NTM: variants seen among roughly 807,000 people sequenced by gnomAD.
NTM encodes neurotrimin, also known as IgLON family member 2.
In NTM, 13 loss-of-function variants were observed where a neutral mutation model predicts 42.1. The observed-to-expected ratio is 0.31, with a 90% CI of 0.20 to 0.49. The LOEUF is 0.49. NTM is among the 20% of genes least tolerant of loss of function. The probability of loss-of-function intolerance (pLI) is 0.99; values close to 1 mark genes in which losing one functional copy is unlikely to be tolerated. For missense variants in NTM, 373 were observed against 452.8 expected (o/e 0.82, Z 1.60); for synonymous variants, 187 against 179.2 (o/e 1.04, Z -0.35).
intron 1 of NTM, among the ~76,000 whole-genome samples, chr11:131,819,891 G>A (rs1011903832): frequency 1.1e-4 from 17 of 152,180 alleles, no homozygotes; most frequent in African/African-American, 2.7e-4. Context: ...TGCTGTGGAC[G>A]TGTGGGCCGC....
chr11:131,975,462 G>A (rs2064184356), intron 2 of NTM, among the ~76,000 whole-genome samples: 1 of 152,126 alleles, frequency 6.6e-6, no homozygotes, highest in Non-Finnish European at 1.5e-5. Flanking sequence ...ACAGGCGTGA[G>A]CCACTGCGCC....
intron 3 of NTM, among the ~76,000 whole-genome samples, chr11:132,192,926 A>G (rs1454208841): frequency 6.6e-6 from 1 of 152,242 alleles, no homozygotes; most frequent in Non-Finnish European, 1.5e-5. Context: ...TTAATTATAA[A>G]GGGCTCAATT....
In NTM at chr11:131,915,747, G is replaced by A. The variant is rs150097287; in HGVS notation, c.167+4099G>A. 4.3e-3 allele frequency among the ~76,000 whole-genome samples: 656 copies of A among 152,188 alleles called. 2 individuals carry two copies. The highest frequency in any genetic ancestry group is 0.015 in the African/African-American group (613 of 41,534). ...AGGCAAAAGGCACATTTTACACGGCGGCAGATGAGACAATGAAAGCCAAGA... is the reference window on the plus strand; with the variant it reads ...AGGCAAAAGGCACATTTTACACGGCAGCAGATGAGACAATGAAAGCCAAGA... On this transcript the variant is annotated intron_variant, in intron 2 of 8. Transcript: ENST00000683400.
At chr11:131,686,885 C>G (rs2073952033) in intron 1 of NTM, among the ~76,000 whole-genome samples, 1 of 152,210 alleles carries the variant, frequency 6.6e-6, no homozygotes, top group South Asian at 2.1e-4. Context: ...AATGTTCCAT[C>G]TGCTGGAAAT....
chr11:131,394,580 C>A (rs1944350434), intron 1 of NTM, among the ~76,000 whole-genome samples: 1 of 152,124 alleles, frequency 6.6e-6, no homozygotes, highest in Admixed American at 6.5e-5. Context: ...ACCTTCCAGC[C>A]CCAGAATGCA....
At chr11:131,908,463 A>C (rs1171841586) in intron 1 of NTM, among the ~76,000 whole-genome samples, 1 of 152,256 alleles carries the variant, frequency 6.6e-6, no homozygotes, top group African/African-American at 2.4e-5. Context: ...AGCCAGGATT[A>C]GCATTTATCA....
chr11:131,973,988 C>A lies in NTM; in HGVS notation c.167+62340C>A, dbSNP rs114207032. 5.0e-3 allele frequency among the ~76,000 whole-genome samples: 756 copies of A among 152,230 alleles called. 7 individuals are homozygous for A. Among genetic ancestry groups the A allele is most frequent in the African/African-American group, 0.017 (719 of 41,550 alleles). On this transcript the variant is annotated intron_variant, in intron 2 of 8. Coordinates refer to ENST00000683400, the MANE Select transcript of NTM (RefSeq NM_001352005.2). Reference sequence around the variant, plus strand: ...CTACTCCAGCTGGAGATGGTGAGGACGAAGACCTTTCAGATGATTCACTTC... The same window carrying A: ...CTACTCCAGCTGGAGATGGTGAGGAAGAAGACCTTTCAGATGATTCACTTC...
At chr11:132,265,325 G>A (rs942293772) in intron 4 of NTM, among the ~76,000 whole-genome samples, 1 of 152,254 alleles carries the variant, frequency 6.6e-6, no homozygotes, top group South Asian at 2.1e-4. Context: ...GGTTTTGTAC[G>A]CAAACGTAGG....
At chr11:132,229,872 TTTTGCCCTCA>T (rs1298269121) in intron 4 of NTM, among the ~76,000 whole-genome samples, 1 of 152,350 alleles carries the variant, frequency 6.6e-6, no homozygotes, top group Non-Finnish European at 1.5e-5. Flanking sequence ...ATTCACCCTC[TTTTGCCCTCA>T]TTATTCTATG....
intron 1 of NTM, among the ~76,000 whole-genome samples, chr11:131,775,813 G>A (rs1233114858): frequency 6.6e-6 from 1 of 152,168 alleles, no homozygotes; most frequent in Non-Finnish European, 1.5e-5. Flanking sequence ...GCTAAATGAA[G>A]GCTTCTCTGC....
At chr11:131,421,425 G>A (rs918828267) in intron 1 of NTM, among the ~76,000 whole-genome samples, 1 of 152,212 alleles carries the variant, frequency 6.6e-6, no homozygotes. Flanking sequence ...TCAGAGGGAT[G>A]CTGAAGGTTC....
At position 131,598,460 on chromosome 11, in the gene NTM, G is replaced by T. The variant is rs377337852; in HGVS notation, c.82+227572G>T. The stretch of plus-strand genomic sequence containing the variant: ...GATTCTGTTAGTCAGGATTCTGTGT[G>T]GCTTTAACAAAACAAAGGTCTATTG... On this transcript the variant is annotated intron_variant, in intron 1 of 8. Coordinates refer to ENST00000683400, the MANE Select transcript of NTM (RefSeq NM_001352005.2). 4.0e-4 allele frequency among the ~76,000 whole-genome samples: 61 copies of T among 152,252 alleles called. 1 individual carries two copies. Among genetic ancestry groups the T allele is most frequent in the African/African-American group, 1.4e-3 (60 of 41,568 alleles).
intron 2 of NTM, among the ~76,000 whole-genome samples, chr11:132,028,517 C>G (rs894492849): frequency 6.6e-6 from 1 of 152,026 alleles, no homozygotes; most frequent in African/African-American, 2.4e-5. Context: ...ATTTCCATTC[C>G]CCTCTTGTTA....
In NTM at chr11:132,310,196, C is replaced by T. The variant is rs1565446687; in HGVS notation, c.746C>T (p.Pro249Leu). Residue 249 changes from proline (P) to leucine (L), a missense_variant, in exon 6 of 9, where the codon CCC becomes CTC. This residue lies in a region of NTM where 312 missense variants were observed against 353.5 expected (regional missense o/e 0.88). Coordinates refer to ENST00000683400, the MANE Select transcript of NTM (RefSeq NM_001352005.2). ...CTGCAGTGTGAAGCCTCAGCAGTCC[C>T]CTCAGCAGAATTCCAGTGGTACAAG... ...GTLQCEASAV[P>L]SAEFQWYKDD... 1 of 1,610,716 alleles carries T rather than the reference C, an allele frequency of 6.2e-7. No individual in the cohort carries two copies.
chr11:131,439,564 A>T (rs1353126932), intron 1 of NTM, among the ~76,000 whole-genome samples: 2 of 152,166 alleles, frequency 1.3e-5, no homozygotes, highest in African/African-American at 4.8e-5. Context: ...TTGATCTCAG[A>T]CTGCTGTGCT....
chr11:131,457,915 C>T (rs1047434308), intron 1 of NTM, among the ~76,000 whole-genome samples: 2 of 152,122 alleles, frequency 1.3e-5, no homozygotes, highest in African/African-American at 4.8e-5. Context: ...AGAGAGCCCT[C>T]ACAGAAGCCA....
intron 1 of NTM, among the ~76,000 whole-genome samples, chr11:131,726,826 G>A (rs770001966): frequency 1.3e-5 from 2 of 150,018 alleles, no homozygotes; most frequent in Non-Finnish European, 2.9e-5. Flanking sequence ...TGATCCTTCT[G>A]CCTCAGCCTC....
chr11:131,400,938 A>T (rs1317231809), intron 1 of NTM, among the ~76,000 whole-genome samples: 1 of 151,588 alleles, frequency 6.6e-6, no homozygotes, highest in Non-Finnish European at 1.5e-5. Flanking sequence ...TCTGATACTG[A>T]ACTTCTTCAG....
At chr11:131,720,652 C>T (rs2078222951) in intron 1 of NTM, among the ~76,000 whole-genome samples, 1 of 152,144 alleles carries the variant, frequency 6.6e-6, no homozygotes, top group African/African-American at 2.4e-5. Flanking sequence ...CATCATTCTG[C>T]CTTCCTGATA....
Sources: gnomAD v4.1 joint callset for allele counts (sites outside exome capture counted in the v4.1 genomes callset) on GRCh38, gnomAD v4.1.1 for gene constraint, gnomAD v4.1.1 regional missense constraint, MANE v1.5 for transcripts, NCBI Gene and HGNC (gene_info 2026-07-23, HGNC 2026-07-21) for gene names.